Variants in RFX3 observed in about 807,000 individuals in gnomAD.
The protein encoded by RFX3 is regulatory factor X3, also known as transcription factor RFX3.
A neutral mutation model predicts 98.6 loss-of-function variants in RFX3; 14 were observed. That is an observed-to-expected ratio of 0.14 (90% CI 0.09 to 0.22). The LOEUF (loss-of-function observed/expected upper bound fraction) is 0.22. RFX3 is among the 10% of genes least tolerant of loss of function. The probability of loss-of-function intolerance (pLI) is 1.00; values close to 1 mark genes in which losing one functional copy is unlikely to be tolerated. For synonymous variants in RFX3, 383 were observed against 328.4 expected (o/e 1.17, Z -1.80); for missense variants, 639 against 926.9 (o/e 0.69, Z 4.03).
intron 1 of RFX3, 56 bp from the exon 2 acceptor site, chr9:3,395,652 T>G: frequency 6.3e-7 from 1 of 1,577,582 alleles, no homozygotes; most frequent in Non-Finnish European, 8.7e-7. Context: ...CATGACTAGC[T>G]TCCTTACAAT....
At chr9:3,476,788 T>G (rs1204226296) in intron 1 of RFX3, among the ~76,000 whole-genome samples, 1 of 152,196 alleles carries the variant, frequency 6.6e-6, no homozygotes, top group Non-Finnish European at 1.5e-5. Flanking sequence ...GGGAAGTTTT[T>G]GAAAGAAGGC....
rs183726742 is a variant in RFX3 at position 3,489,441 on chromosome 9, G to C, written c.-9+36306C>G. The C allele has an allele frequency of 6.1e-5, 60 of 984,666 alleles. No individual in the cohort carries two copies. The African/African-American group carries it at 1.0e-3, about 17-fold the overall frequency. 61.0% of individuals were successfully genotyped at this position (984,666 alleles called of 1,614,324 possible). A position where few individuals can be genotyped will look rare whatever the true frequency, so the allele number is the denominator to read the frequency against. ...TGGAAGCAGAAGTTCACACAAACAA[G>C]CTGCTGCATCTTCCTACATAACAAA... On this transcript the variant is annotated intron_variant, in intron 1 of 16. Transcript: ENST00000617270.
At chr9:3,412,218 ATTACT>A (rs1420543607) in intron 1 of RFX3, among the ~76,000 whole-genome samples, 2 of 152,164 alleles carry the variant, frequency 1.3e-5, no homozygotes, top group Non-Finnish European at 2.9e-5. Flanking sequence ...ATCATGTTGT[ATTACT>A]TTACTTTATC....
At position 3,370,508 on chromosome 9, in the gene RFX3, T is replaced by TAA. The variant is rs1211183741; in HGVS notation, c.118-23746_118-23745dup. ...AAAAACTATTAATTATATATATATA[T>TAA]AATCTGTGAATCAGAACAGTGTTTG... On this transcript the variant is annotated intron_variant, in intron 2 of 16. Coordinates refer to ENST00000617270, the MANE Select transcript of RFX3 (RefSeq NM_001282116.2). Among the ~76,000 whole-genome samples, 4 of 151,716 alleles carry TAA rather than the reference T, an allele frequency of 2.6e-5. No individual in the cohort carries two copies. In the South Asian group the frequency reaches 8.3e-4, roughly 31 times the overall value.
intron 1 of RFX3, among the ~76,000 whole-genome samples, chr9:3,455,006 T>C (rs1847017604): frequency 6.6e-6 from 1 of 152,178 alleles, no homozygotes. Flanking sequence ...ACAAGTCCCA[T>C]TTCTTGCAGC....
At chr9:3,298,033 A>G (rs898148172) in intron 5 of RFX3, among the ~76,000 whole-genome samples, 1 of 151,872 alleles carries the variant, frequency 6.6e-6, no homozygotes. Flanking sequence ...TTTTAATTTC[A>G]TTTAGGCAGA....
intron 3 of RFX3, among the ~76,000 whole-genome samples, chr9:3,332,811 T>G (rs1563940849): frequency 6.6e-6 from 1 of 152,206 alleles, no homozygotes; most frequent in Admixed American, 6.5e-5. Flanking sequence ...CTTGCCTTTC[T>G]GCTTCACTAC....
chr9:3,340,461 C>A (rs1359938951), intron 3 of RFX3, among the ~76,000 whole-genome samples: 1 of 152,130 alleles, frequency 6.6e-6, no homozygotes, highest in Non-Finnish European at 1.5e-5. Flanking sequence ...TCAGAGTGAA[C>A]AGACAACCTA....
chr9:3,275,533 C>T lies in RFX3; in HGVS notation c.1053G>A (p.Lys351=). ...LPDGTTFEDI[K]SLQSLYREHC... ...GCTCTCTATAAAGACTCTGCAGTGA[C>T]TTGATATCCTCAAAGGTAGTACCAT... Residue 351 remains lysine (K), a synonymous_variant, in exon 9 of 17, where the codon AAG becomes AAA. Coordinates refer to ENST00000617270, the MANE Select transcript of RFX3 (RefSeq NM_001282116.2). The T allele has an allele frequency of 6.2e-7, 1 of 1,611,264 alleles. No individual in the cohort carries two copies. The highest frequency in any genetic ancestry group is 8.5e-7 in the Non-Finnish European group (1 of 1,177,584).
chr9:3,297,122 G>A (rs898338986), intron 5 of RFX3, among the ~76,000 whole-genome samples: 2 of 152,026 alleles, frequency 1.3e-5, no homozygotes, highest in African/African-American at 4.8e-5. Context: ...GTTAATGCCT[G>A]TTAAATATCG....
intron 1 of RFX3, among the ~76,000 whole-genome samples, chr9:3,445,761 A>C (rs900480814): frequency 2.0e-5 from 3 of 152,222 alleles, no homozygotes; most frequent in Admixed American, 6.5e-5. Flanking sequence ...TTTCCAGCAT[A>C]ATTTCCTGTT....
chr9:3,511,250 T>C (rs1416190212), intron 1 of RFX3, among the ~76,000 whole-genome samples: 1 of 151,922 alleles, frequency 6.6e-6, no homozygotes, highest in African/African-American at 2.4e-5. Context: ...GGTATAAATT[T>C]TGTGTTGTTT....
intron 1 of RFX3, among the ~76,000 whole-genome samples, chr9:3,467,562 C>G (rs1848424267): frequency 1.3e-5 from 2 of 151,892 alleles, no homozygotes; most frequent in South Asian, 4.1e-4. Flanking sequence ...CTGAAGAATT[C>G]CATTCACTTA....
chr9:3,236,922 T>C (rs943532635), intron 15 of RFX3, among the ~76,000 whole-genome samples: 1 of 152,220 alleles, frequency 6.6e-6, no homozygotes, highest in African/African-American at 2.4e-5. Context: ...TCATTTGCTC[T>C]AGGAAAGAAG....
intron 9 of RFX3, among the ~76,000 whole-genome samples, chr9:3,271,639 T>C (rs1372280870): frequency 4.6e-5 from 7 of 152,086 alleles, no homozygotes; most frequent in African/African-American, 1.7e-4. Context: ...TTCTAAGACC[T>C]GGAAGGGTAC....
intron 3 of RFX3, among the ~76,000 whole-genome samples, chr9:3,339,763 A>G (rs1833646544): frequency 6.6e-6 from 1 of 152,198 alleles, no homozygotes; most frequent in South Asian, 2.1e-4. Flanking sequence ...GGATACAAAC[A>G]AATGGAAGAA....
rs545053542 is a variant in RFX3, at chr9:3,304,615, GGTAGTGAGTAA to G, written c.475-3006_475-2996del. Among the ~76,000 whole-genome samples, 251 of 152,004 alleles carry G rather than the reference GGTAGTGAGTAA, an allele frequency of 1.7e-3. 1 individual carries two copies. Among genetic ancestry groups the G allele is most frequent in the Middle Eastern group, 6.8e-3 (2 of 294 alleles). On this transcript the variant is annotated intron_variant, in intron 4 of 16. Transcript: ENST00000617270. ...GTGGTTTCCCCAATACTGTTCTTGT[GGTAGTGAGTAA>G]GTCTCACGAGATCTGATGGCTTTAT...
In RFX3 at chr9:3,268,397, T is replaced by C. The variant is rs561784774; in HGVS notation, c.1357+1974A>G. 4.6e-5 allele frequency among the ~76,000 whole-genome samples: 7 copies of C among 151,826 alleles called. No individual in the cohort carries two copies. The South Asian group carries it at 1.5e-3, about 31-fold the overall frequency. On this transcript the variant is annotated intron_variant, in intron 11 of 16. Coordinates refer to ENST00000617270, the MANE Select transcript of RFX3 (RefSeq NM_001282116.2). The stretch of plus-strand genomic sequence containing the variant: ...CTGACAACTTTCAAAGCCTCATGAA[T>C]GGATGGTTTGGAATTTAAACTCTAT...
chr9:3,232,203 T>C (rs1818562786), intron 15 of RFX3, among the ~76,000 whole-genome samples: 1 of 152,212 alleles, frequency 6.6e-6, no homozygotes, highest in Non-Finnish European at 1.5e-5. Context: ...TGTTTTGTAA[T>C]TTCTCCTCTT....
Sources: allele counts gnomAD v4.1 joint callset (sites outside exome capture counted in the v4.1 genomes callset), GRCh38; gene constraint gnomAD v4.1.1; transcripts MANE v1.5; gene names NCBI Gene and HGNC (gene_info 2026-07-23, HGNC 2026-07-21).